Variants in RFC5 observed in about 807,000 individuals in gnomAD.
RFC5 encodes replication factor C subunit 5.
A neutral mutation model predicts 44.3 loss-of-function variants in RFC5; 26 were observed. The ratio of observed to expected loss-of-function variants is 0.59; its 90% CI spans 0.43 to 0.81. The LOEUF (loss-of-function observed/expected upper bound fraction) is 0.81, where lower values mean the gene tolerates loss of function less well. RFC5 is among the 40% of genes least tolerant of loss of function. The pLI is 0.00. For missense variants in RFC5, 328 were observed against 418.6 expected, an observed-to-expected ratio of 0.78 and a Z score of 1.89; for synonymous variants, 155 against 155.2, an observed-to-expected ratio of 1.00 and a Z score of 0.01.
chr12:118,022,645 A>G (rs2030593061), intron 5 of RFC5, among the ~76,000 whole-genome samples: 1 of 151,810 alleles, frequency 6.6e-6, no homozygotes, highest in Non-Finnish European at 1.5e-5. Flanking sequence ...TTATATTTTT[A>G]GTAGAGATGG....
chr12:118,029,133 G>A (rs5745876), intron 9 of RFC5, among the ~76,000 whole-genome samples: 17,578 of 152,288 alleles, frequency 0.12, 1,268 homozygotes, highest in Non-Finnish European at 0.15. Flanking sequence ...TTTTAAATGG[G>A]GACAGGATCG....
intron 5 of RFC5, among the ~76,000 whole-genome samples, chr12:118,022,876 T>C (rs559138123): frequency 6.6e-6 from 1 of 152,300 alleles, no homozygotes; most frequent in Admixed American, 6.5e-5. Flanking sequence ...GTGTCTCCCA[T>C]CTAATGACAC....
downstream of RFC5, chr12:118,035,288 G>A (rs748989960): frequency 1.1e-5 from 17 of 1,614,078 alleles, no homozygotes; most frequent in South Asian, 3.3e-5. Context: ...TAATGTGGAC[G>A]TCACTGTCAT....
intron 1 of RFC5, 53 bp downstream of exon 1, chr12:118,016,945 G>A: frequency 1.4e-6 from 2 of 1,474,638 alleles, no homozygotes; most frequent in Non-Finnish European, 1.9e-6. Flanking sequence ...GCGGCCGCGC[G>A]GGGAGGAGGT....
At chr12:118,029,626 T>C in intron 9 of RFC5, 145 bp from the exon 10 acceptor site, 1 of 736,532 alleles carries the variant, frequency 1.4e-6, no homozygotes, top group Admixed American at 2.0e-5. Flanking sequence ...GTTTCTACTT[T>C]CTTAGAGGTC....
chr12:118,024,843 CT>C lies in RFC5; in HGVS notation c.422-6del. On this transcript the variant is annotated splice_polypyrimidine_tract_variant and splice_region_variant and intron_variant, in intron 5 of 10. Coordinates refer to ENST00000454402, the MANE Select transcript of RFC5 (RefSeq NM_007370.7). ...TTGACATGAGGTGGTTTTATTTTCTCTTACTAGTAATTGAGAAATTCACAGA... is the reference window on the plus strand; with the variant it reads ...TTGACATGAGGTGGTTTTATTTTCTCTACTAGTAATTGAGAAATTCACAGA... 6.3e-7 allele frequency: 1 copy of C among 1,599,744 alleles called. No homozygotes were observed. The highest frequency in any genetic ancestry group is 1.1e-5 in the South Asian group (1 of 88,392).
chr12:118,016,717 C>A lies in RFC5; in HGVS notation c.-111C>A, dbSNP rs2030096806. The A allele has an allele frequency of 9.2e-6, 8 of 874,224 alleles. No individual in the cohort carries two copies. Among genetic ancestry groups the A allele is most frequent in the Non-Finnish European group, 1.5e-5 (8 of 542,264 alleles). The allele number at this position is 874,224 out of a possible 1,614,324, so 54.2% of individuals were successfully genotyped here. ...CCGCGTCTCGCGAGAGTTGCTTTTGCGCGCGAACTGTAAGTGCCAGGGTCT... is the reference window on the plus strand; with the variant it reads ...CCGCGTCTCGCGAGAGTTGCTTTTGAGCGCGAACTGTAAGTGCCAGGGTCT... On this transcript the variant is annotated 5_prime_UTR_variant, in exon 1 of 11. Transcript: ENST00000454402.
chr12:118,032,655 G>A (rs1169506566), downstream of RFC5: 1 of 151,974 alleles, frequency 6.6e-6, no homozygotes, highest in East Asian at 1.9e-4. Flanking sequence ...CTGAGTAGCT[G>A]GGGCTACCAT....
At chr12:118,018,355 A>G (rs1166091112) in intron 1 of RFC5, among the ~76,000 whole-genome samples, 1 of 152,156 alleles carries the variant, frequency 6.6e-6, no homozygotes, top group Non-Finnish European at 1.5e-5. Context: ...CACTATTGAC[A>G]TTTTGGGCCA....
At chr12:118,022,012 A>G (rs2030533036) in intron 4 of RFC5, among the ~76,000 whole-genome samples, 1 of 152,198 alleles carries the variant, frequency 6.6e-6, no homozygotes, top group Admixed American at 6.5e-5. Context: ...CGGGAAAAGC[A>G]GTAGCATGGT....
At chr12:118,032,686 G>A (rs2031386737), downstream of RFC5, 3 of 150,498 alleles carry the variant, frequency 2.0e-5, no homozygotes, top group South Asian at 6.3e-4. Flanking sequence ...ACCACACTAA[G>A]TTTTTTTGGC....
At chr12:118,035,768 C>T (rs2031496147), downstream of RFC5, 1 of 172,836 alleles carries the variant, frequency 5.8e-6, no homozygotes, top group East Asian at 1.6e-4. Context: ...CTTGTTACTA[C>T]AGTTATTAGT....
chr12:118,034,658 A>G (rs2031463945), downstream of RFC5: 1 of 493,944 alleles, frequency 2.0e-6, no homozygotes. Context: ...AGTGCCACCT[A>G]CTGAATTATA....
At chr12:118,031,106 T>G in intron 10 of RFC5, 76 bp from the exon 11 acceptor site, 2 of 997,946 alleles carry the variant, frequency 2.0e-6, no homozygotes, top group Admixed American at 3.9e-5. Flanking sequence ...TTTTCAGCCC[T>G]AGATCTCTTG....
downstream of RFC5, chr12:118,037,930 G>A (rs538176114): frequency 5.6e-6 from 1 of 178,690 alleles, no homozygotes; most frequent in South Asian, 1.6e-4. Context: ...TGGGAAATCC[G>A]AATTAGAGGG....
Position 118,019,910 on chromosome 12 carries a change from CT to C in RFC5, c.267+147del, listed in dbSNP as rs2030369474. ...AAGTAAATTTGAATATTTTAATTCC[CT>C]TTTTCCTATAATGGTCATTTTGGTC... On this transcript the variant is annotated intron_variant, in intron 3 of 10. Coordinates refer to ENST00000454402, the MANE Select transcript of RFC5 (RefSeq NM_007370.7). This position sits in a 1 kb window ranked among gnomAD's most constrained non-coding sequence, Gnocchi z 4.2. The C allele has an allele frequency of 2.8e-6, 2 of 703,494 alleles. No homozygotes were observed. Among genetic ancestry groups the C allele is most frequent in the Non-Finnish European group, 4.6e-6 (2 of 435,086 alleles). The allele number at this position is 703,494 out of a possible 1,614,324, so 43.6% of individuals were successfully genotyped here.
At chr12:118,017,874 T>G (rs548159658) in intron 1 of RFC5, 1 of 667,566 alleles carries the variant, frequency 1.5e-6, no homozygotes. Context: ...TGGCATTAAG[T>G]ACATTCAGAA....
At chr12:118,034,193 T>C, downstream of RFC5, 2 of 1,614,180 alleles carry the variant, frequency 1.2e-6, no homozygotes, top group Non-Finnish European at 1.7e-6. Context: ...GATGTGGTGT[T>C]GCTTAAAAAG....
In RFC5 at chr12:118,026,964, A is replaced by G; in HGVS notation, c.739A>G (p.Ile247Val). 1 of 1,614,054 alleles carries G rather than the reference A, an allele frequency of 6.2e-7. No individual in the cohort carries two copies. Among genetic ancestry groups the G allele is most frequent in the Non-Finnish European group, 8.5e-7 (1 of 1,179,998 alleles). ...CACCGGGCACCCGCTCAAGTCAGAC[A>G]TTGCCAACATCCTGGACTGGATGTT... Reference protein sequence around the residue: ...TCTGHPLKSDIANILDWMLNQ... With the variant: ...TCTGHPLKSDVANILDWMLNQ... The change falls in exon 8 of 11, where the codon ATT becomes GTT. Residue 247 changes from isoleucine to valine, a missense_variant. Coordinates refer to ENST00000454402, the MANE Select transcript of RFC5 (RefSeq NM_007370.7).
Sources: allele counts gnomAD v4.1 joint callset (sites outside exome capture counted in the v4.1 genomes callset), GRCh38; gene constraint gnomAD v4.1.1; non-coding constraint Gnocchi (gnomAD v3.1); transcripts MANE v1.5; gene names NCBI Gene and HGNC (gene_info 2026-07-23, HGNC 2026-07-21).